INTS14: variants seen among roughly 807,000 people sequenced by gnomAD.
INTS14 encodes integrator complex subunit 14.
In INTS14, 27 loss-of-function variants were observed where a neutral mutation model predicts 56.9. The observed-to-expected ratio is 0.47, with a 90% CI of 0.35 to 0.65. INTS14 has a LOEUF of 0.65. INTS14 is among the 30% of genes least tolerant of loss of function. INTS14 has a pLI of 0.00. For missense variants in INTS14, 517 were observed against 632.2 expected (o/e 0.82, Z 1.95); for synonymous variants, 207 against 236.2 (o/e 0.88, Z 1.13).
At position 65,595,311 on chromosome 15, in the gene INTS14, G is replaced by T. The variant is rs2073173509; in HGVS notation, c.841+422C>A. ...CCATTCATTCAACAATATTTACTGA[G>T]TTATCTACTATGTGCTGGGCACCAG... On this transcript the variant is annotated intron_variant, in intron 7 of 11. Transcript: ENST00000313182. Among the ~76,000 whole-genome samples the T allele has an allele frequency of 2.0e-5, 3 of 152,194 alleles. No individual in the cohort carries two copies. The South Asian group carries it at 6.2e-4, about 32-fold the overall frequency.
At chr15:65,590,984 T>C (rs576867738) in intron 9 of INTS14, among the ~76,000 whole-genome samples, 5 of 152,210 alleles carry the variant, frequency 3.3e-5, no homozygotes, top group African/African-American at 1.2e-4. Context: ...TATCCAGGTG[T>C]AGAGATCCAA....
chr15:65,596,429 A>G (rs2073214368), intron 6 of INTS14, among the ~76,000 whole-genome samples: 1 of 150,266 alleles, frequency 6.7e-6, no homozygotes, highest in African/African-American at 2.5e-5. Context: ...AATTATAAAG[A>G]AGAAAAAGTC....
intron 5 of INTS14, 126 bp downstream of exon 5, chr15:65,598,745 GA>G: frequency 1.2e-6 from 1 of 866,302 alleles, no homozygotes; most frequent in Non-Finnish European, 1.8e-6. Context: ...CACTTTATCT[GA>G]AAAATGTACA....
At chr15:65,602,686 C>T (rs560369927) in intron 3 of INTS14, among the ~76,000 whole-genome samples, 18 of 148,356 alleles carry the variant, frequency 1.2e-4, no homozygotes, top group African/African-American at 4.2e-4. Flanking sequence ...TTTTTTGAGA[C>T]GGAGTTTCTC....
intron 10 of INTS14, among the ~76,000 whole-genome samples, chr15:65,582,689 G>C (rs1248390674): frequency 6.6e-6 from 1 of 152,184 alleles, no homozygotes; most frequent in Non-Finnish European, 1.5e-5. Context: ...AACAACAAAA[G>C]CAAGAGACAA....
At chr15:65,610,819 T>C in intron 1 of INTS14, 3 of 1,534,870 alleles carry the variant, frequency 2.0e-6, no homozygotes, top group Non-Finnish European at 2.6e-6. Context: ...CAAGAAAATG[T>C]GGGATCTGGA....
At chr15:65,588,388 G>C (rs2072904090) in intron 9 of INTS14, among the ~76,000 whole-genome samples, 1 of 151,804 alleles carries the variant, frequency 6.6e-6, no homozygotes, top group Non-Finnish European at 1.5e-5. Context: ...AATAAGGCTG[G>C]GCAGAGTGGC....
intron 9 of INTS14, among the ~76,000 whole-genome samples, chr15:65,587,345 G>A (rs965501983): frequency 6.6e-5 from 10 of 150,682 alleles, no homozygotes; most frequent in Admixed American, 4.6e-4. Context: ...GGGAGATGAC[G>A]CTAAGAAAAA....
intron 3 of INTS14, among the ~76,000 whole-genome samples, chr15:65,603,477 T>G (rs1402544935): frequency 6.6e-6 from 1 of 152,114 alleles, no homozygotes; most frequent in African/African-American, 2.4e-5. Flanking sequence ...CCCAGGCAAC[T>G]ACAATCTTAT....
At chr15:65,594,158 G>T (rs1458312859) in intron 7 of INTS14, among the ~76,000 whole-genome samples, 8 of 152,194 alleles carry the variant, frequency 5.3e-5, no homozygotes, top group Admixed American at 3.3e-4. Flanking sequence ...GCACATGCAT[G>T]TGAGTCCCCA....
chr15:65,591,566 T>A (rs1418091955), intron 9 of INTS14, 32 bp downstream of exon 9: 1 of 1,605,926 alleles, frequency 6.2e-7, no homozygotes, highest in Admixed American at 1.7e-5. Context: ...GAAAACAAAG[T>A]CAGGATAAGT....
In INTS14 at chr15:65,599,952, G is replaced by A. The variant is rs1202000983; in HGVS notation, c.331-23C>T. The stretch of plus-strand genomic sequence containing the variant: ...AACCTGTTTGTAAAAAGAGAGAGAG[G>A]AGGTTGTACATTAAATTACATATTT... On this transcript the variant is annotated intron_variant, in intron 3 of 11. Transcript: ENST00000313182. 5 of 1,603,116 alleles carry A rather than the reference G, an allele frequency of 3.1e-6. No homozygotes were observed. The South Asian group carries it at 3.3e-5, about 11-fold the overall frequency.
Position 65,610,560 on chromosome 15 carries a change from C to G in INTS14, c.-63+538G>C. The G allele has an allele frequency of 2.9e-6, 3 of 1,046,458 alleles. No individual in the cohort carries two copies. In the South Asian group the frequency reaches 4.1e-5, roughly 14 times the overall value. 64.8% of individuals were successfully genotyped at this position (1,046,458 alleles called of 1,614,324 possible). On this transcript the variant is annotated intron_variant, in intron 1 of 11. Coordinates refer to ENST00000313182, the MANE Select transcript of INTS14 (RefSeq NM_001394796.1). ...TAGCCACCTATTTGGCCTTGAATACCAAGTGTCCATCAGCTAGACGTTTGT... is the reference window on the plus strand; with the variant it reads ...TAGCCACCTATTTGGCCTTGAATACGAAGTGTCCATCAGCTAGACGTTTGT...
At chr15:65,600,565 G>C (rs1235016534) in intron 3 of INTS14, among the ~76,000 whole-genome samples, 1 of 151,920 alleles carries the variant, frequency 6.6e-6, no homozygotes, top group Non-Finnish European at 1.5e-5. Flanking sequence ...GGAAGTCGAG[G>C]CTACAGTGAG....
intron 1 of INTS14, among the ~76,000 whole-genome samples, chr15:65,608,059 T>G (rs1181562597): frequency 6.6e-6 from 1 of 152,134 alleles, no homozygotes; most frequent in Non-Finnish European, 1.5e-5. Flanking sequence ...GTGCTTCAAC[T>G]GTGAAGGAAA....
At chr15:65,591,765 A>T (rs1157731274) in intron 8 of INTS14, 34 bp from the exon 9 acceptor site, 1 of 1,610,404 alleles carries the variant, frequency 6.2e-7, no homozygotes, top group Non-Finnish European at 8.5e-7. Flanking sequence ...TCAGAAGAAC[A>T]TCAAGCCTGA....
chr15:65,588,253 C>CAG (rs1402982676), intron 9 of INTS14, among the ~76,000 whole-genome samples: 1 of 152,050 alleles, frequency 6.6e-6, no homozygotes, highest in Non-Finnish European at 1.5e-5. Flanking sequence ...CACGCCACTA[C>CAG]AGTCCAGCCT....
intron 9 of INTS14, among the ~76,000 whole-genome samples, chr15:65,587,740 G>T (rs186831741): frequency 2.0e-5 from 3 of 152,292 alleles, no homozygotes; most frequent in Admixed American, 2.0e-4. Flanking sequence ...CAACAATTTG[G>T]GAGGCTAAGG....
At chr15:65,610,910 A>G (rs1566937129) in intron 1 of INTS14, 188 bp downstream of exon 1, 1 of 1,466,088 alleles carries the variant, frequency 6.8e-7, no homozygotes, top group Non-Finnish European at 9.0e-7. Context: ...GGGGACCCCG[A>G]GCCTCAGAGC....
Sources: allele counts gnomAD v4.1 joint callset (sites outside exome capture counted in the v4.1 genomes callset), GRCh38; gene constraint gnomAD v4.1.1; transcripts MANE v1.5; gene names NCBI Gene and HGNC (gene_info 2026-07-23, HGNC 2026-07-21).